TBC1D1: variants seen among roughly 807,000 people sequenced by gnomAD.
TBC1D1 encodes TBC1 domain family member 1, also known as TBC1 (tre-2/USP6, BUB2, cdc16) domain family, member 1.
A neutral mutation model predicts 125.6 loss-of-function variants in TBC1D1; 89 were observed. The ratio of observed to expected loss-of-function variants is 0.71; its 90% CI spans 0.60 to 0.85. The LOEUF (loss-of-function observed/expected upper bound fraction) is 0.85. Among genes scored for constraint, TBC1D1 ranks in the 40% least tolerant of loss-of-function variants. The probability of loss-of-function intolerance (pLI) is 0.00; values close to 1 mark genes in which losing one functional copy is unlikely to be tolerated. For synonymous variants in TBC1D1, 565 were observed against 564.1 expected (o/e 1.00, Z -0.02); for missense variants, 1,377 against 1,469.2 (o/e 0.94, Z 1.03).
At chr4:38,084,179 C>T (rs564079539) in intron 12 of TBC1D1, among the ~76,000 whole-genome samples, 1 of 152,284 alleles carries the variant, frequency 6.6e-6, no homozygotes, top group East Asian at 1.9e-4. Flanking sequence ...CATGATCTGC[C>T]CGCCTCGGCC....
At chr4:38,062,013 G>T (rs1288606801) in intron 12 of TBC1D1, among the ~76,000 whole-genome samples, 1 of 152,128 alleles carries the variant, frequency 6.6e-6, no homozygotes, top group African/African-American at 2.4e-5. Flanking sequence ...AAAGCACCTG[G>T]GGAGATTTTT....
chr4:38,054,496 C>T (rs532461239), intron 12 of TBC1D1, among the ~76,000 whole-genome samples, 158 bp downstream of exon 14: 107 of 152,300 alleles, frequency 7.0e-4, no homozygotes, highest in Middle Eastern at 3.4e-3. Flanking sequence ...TTAGAGGTTA[C>T]CCTCCATTTC....
intron 2 of TBC1D1, among the ~76,000 whole-genome samples, chr4:37,973,724 T>C (rs570240942): frequency 3.0e-4 from 45 of 152,344 alleles, no homozygotes; most frequent in African/African-American, 1.1e-3. Context: ...GCTGAACTGG[T>C]TCATACCAGC....
intron 7 of TBC1D1, among the ~76,000 whole-genome samples, chr4:38,034,416 C>G (rs1448727472): frequency 6.6e-6 from 1 of 152,228 alleles, no homozygotes; most frequent in South Asian, 2.1e-4. Context: ...ACAAACCCTT[C>G]TAATCATTAA....
rs1266173849 is a variant in TBC1D1 at position 38,103,077 on chromosome 4, A to G, written c.2477A>G (p.Lys826Arg). ...CACCTTAAACACCAGTTTCCCAGCA[A>G]ACAGCAGCCAAAGGATGTGCCATAC... Residue 826 changes from lysine to arginine, a missense_variant, in exon 15 of 20, where the codon AAA (lysine) becomes AGA (arginine). Physicochemically the swap from Lys to Arg is conservative, Grantham distance 26 (BLOSUM62 2). Around this residue, in one of 3 missense-constraint regions of TBC1D1, gnomAD observed 543 missense variants for 613.5 expected, o/e 0.89. Coordinates refer to ENST00000261439, the MANE Select transcript of TBC1D1 (RefSeq NM_015173.4). 1 of 1,614,184 alleles carries G rather than the reference A, an allele frequency of 6.2e-7. No homozygotes were observed.
intron 17 of TBC1D1, among the ~76,000 whole-genome samples, chr4:38,124,058 G>C (rs1436111072): frequency 1.3e-5 from 2 of 152,222 alleles, no homozygotes; most frequent in Non-Finnish European, 2.9e-5. Flanking sequence ...AAAAGAAACA[G>C]AGAAAAGAAA....
chr4:38,096,230 C>G (rs1404445575), intron 14 of TBC1D1, 140 bp downstream of exon 16: 22 of 636,464 alleles, frequency 3.5e-5, no homozygotes, highest in Non-Finnish European at 5.3e-6. Flanking sequence ...TTTCCATATA[C>G]CTTACTTAAT....
intron 2 of TBC1D1, among the ~76,000 whole-genome samples, chr4:37,992,493 GTTTTTT>G (rs1006353203): frequency 8.0e-6 from 1 of 125,528 alleles, no homozygotes; most frequent in African/African-American, 3.2e-5. Context: ...GAAGTCTGGT[GTTTTTT>G]TTTTTTTTTT....
chr4:38,054,498 C>T (rs1313308466), intron 12 of TBC1D1, among the ~76,000 whole-genome samples, 160 bp downstream of exon 14: 1 of 152,186 alleles, frequency 6.6e-6, no homozygotes, highest in Non-Finnish European at 1.5e-5. Flanking sequence ...AGAGGTTACC[C>T]TCCATTTCTT....
chr4:38,029,869 G>GT (rs1269752334), intron 7 of TBC1D1, among the ~76,000 whole-genome samples: 1 of 152,078 alleles, frequency 6.6e-6, no homozygotes, highest in Non-Finnish European at 1.5e-5. Flanking sequence ...ATGCTACTTT[G>GT]TTTTTTCTTA....
chr4:37,986,579 G>A (rs548927301), intron 2 of TBC1D1, among the ~76,000 whole-genome samples: 4 of 152,222 alleles, frequency 2.6e-5, no homozygotes, highest in Admixed American at 2.0e-4. Flanking sequence ...CAGAGTAGCT[G>A]GGACTACAGG....
chr4:37,963,195 A>G (rs1730381601), intron 2 of TBC1D1, among the ~76,000 whole-genome samples: 1 of 152,246 alleles, frequency 6.6e-6, no homozygotes, highest in Non-Finnish European at 1.5e-5. Context: ...TTGCATCGCT[A>G]TAAAGAAATA....
At chr4:37,910,657 G>A (rs1718393491) in intron 2 of TBC1D1, among the ~76,000 whole-genome samples, 1 of 152,158 alleles carries the variant, frequency 6.6e-6, no homozygotes, top group Non-Finnish European at 1.5e-5. Context: ...GGGAAGGGTA[G>A]TCGGGGCTGG....
At chr4:37,901,047 G>A (rs1047341154) in intron 1 of TBC1D1, among the ~76,000 whole-genome samples, 3 of 147,250 alleles carry the variant, frequency 2.0e-5, no homozygotes, top group Non-Finnish European at 3.0e-5. Context: ...ACTCCAGCCC[G>A]GGCAACAGAG....
intron 12 of TBC1D1, among the ~76,000 whole-genome samples, chr4:38,078,518 C>T (rs937250379): frequency 3.3e-5 from 5 of 152,084 alleles, no homozygotes; most frequent in Non-Finnish European, 7.4e-5. Context: ...AAGGGAGGCC[C>T]TTGGGAGGTG....
At chr4:38,129,698 T>C (rs1765275487) in intron 18 of TBC1D1, among the ~76,000 whole-genome samples, 1 of 152,056 alleles carries the variant, frequency 6.6e-6, no homozygotes, top group Non-Finnish European at 1.5e-5. Context: ...GAGTCTACAA[T>C]AGCAAATGAG....
At chr4:37,904,437 A>G (rs1345506402) in intron 2 of TBC1D1, among the ~76,000 whole-genome samples, 2 of 152,238 alleles carry the variant, frequency 1.3e-5, no homozygotes, top group Non-Finnish European at 2.9e-5. Context: ...CCAGCTCTAT[A>G]TAGTATTTGG....
chr4:38,120,868 T>G (rs899413386), intron 17 of TBC1D1, among the ~76,000 whole-genome samples: 2 of 152,176 alleles, frequency 1.3e-5, no homozygotes, highest in East Asian at 3.9e-4. Flanking sequence ...CCTGGCTTGC[T>G]CCTGATGGAG....
chr4:38,077,210 G>A (rs186065670), intron 12 of TBC1D1, among the ~76,000 whole-genome samples: 189 of 152,336 alleles, frequency 1.2e-3, no homozygotes, highest in African/African-American at 4.3e-3. Flanking sequence ...TACTGAGTGT[G>A]CAGTTGTATG....
Sources: gnomAD v4.1 joint callset for allele counts (sites outside exome capture counted in the v4.1 genomes callset) on GRCh38, gnomAD v4.1.1 for gene constraint, gnomAD v4.1.1 regional missense constraint, MANE v1.5 for transcripts, NCBI Gene and HGNC (gene_info 2026-07-23, HGNC 2026-07-21) for gene names.